Variants in TRIT1 observed in about 807,000 individuals in gnomAD.
TRIT1 encodes the protein tRNA dimethylallyltransferase.
Under a neutral mutation model 51.2 loss-of-function variants are expected in TRIT1, and 43 were observed. That is an observed-to-expected ratio of 0.84 (90% CI 0.66 to 1.08). TRIT1 has a LOEUF of 1.08. Among genes scored for constraint, TRIT1 ranks in the 50% least tolerant of loss-of-function variants. TRIT1 has a pLI of 0.00. For missense variants in TRIT1, 528 were observed against 578.4 expected (o/e 0.91, Z 0.89); for synonymous variants, 184 against 203.9 (o/e 0.90, Z 0.83).
intron 5 of TRIT1, among the ~76,000 whole-genome samples, chr1:39,848,346 C>T (rs1642357470): frequency 6.6e-6 from 1 of 152,036 alleles, no homozygotes; most frequent in Non-Finnish European, 1.5e-5. Flanking sequence ...CATACAATTA[C>T]AGCAACTGTG....
intron 9 of TRIT1, 125 bp downstream of exon 9, chr1:39,844,403 AAGC>A (rs1183279473): frequency 5.7e-6 from 5 of 883,184 alleles, no homozygotes; most frequent in Non-Finnish European, 9.0e-6. Flanking sequence ...AGGTATTAAA[AAGC>A]AGCCAGCCCT....
intron 1 of TRIT1, among the ~76,000 whole-genome samples, chr1:39,880,369 G>A (rs1237519975): frequency 6.6e-6 from 1 of 151,642 alleles, no homozygotes; most frequent in Non-Finnish European, 1.5e-5. Flanking sequence ...TTTGCCTGTG[G>A]AGTTACTTGA....
At chr1:39,882,209 T>G (rs1228494627) in intron 1 of TRIT1, among the ~76,000 whole-genome samples, 1 of 152,212 alleles carries the variant, frequency 6.6e-6, no homozygotes, top group Admixed American at 6.5e-5. Context: ...TGGCACAAAG[T>G]AGACTGCAAA....
chr1:39,845,021 C>T (rs966437738), intron 8 of TRIT1, among the ~76,000 whole-genome samples: 4 of 152,176 alleles, frequency 2.6e-5, no homozygotes, highest in Non-Finnish European at 5.9e-5. Context: ...ACAATGATGG[C>T]GATCTGTGGC....
intron 1 of TRIT1, among the ~76,000 whole-genome samples, chr1:39,878,170 A>G (rs1644131885): frequency 6.6e-6 from 1 of 151,246 alleles, no homozygotes; most frequent in Non-Finnish European, 1.5e-5. Context: ...TGTGTCATAG[A>G]AAAAAAAAGA....
At chr1:39,846,789 C>G (rs983628095) in intron 8 of TRIT1, among the ~76,000 whole-genome samples, 1 of 152,100 alleles carries the variant, frequency 6.6e-6, no homozygotes, top group African/African-American at 2.4e-5. Context: ...TCTGAAGCAC[C>G]ATGTGGAGAC....
chr1:39,880,268 T>TTAAAA (rs1553148796), intron 1 of TRIT1, among the ~76,000 whole-genome samples: 1 of 94,888 alleles, frequency 1.1e-5, no homozygotes, highest in Non-Finnish European at 2.1e-5. Context: ...AGACCTCAAA[T>TTAAAA]AAAAAAAAAA....
intron 1 of TRIT1, among the ~76,000 whole-genome samples, chr1:39,870,512 C>CAAAAAAAA (rs1643834728): frequency 3.9e-5 from 1 of 25,934 alleles, no homozygotes; most frequent in Non-Finnish European, 6.9e-5. Flanking sequence ...TCAATAAATA[C>CAAAAAAAA]TAAAAAAAAA....
At chr1:39,865,813 C>T (rs1316607330) in intron 1 of TRIT1, among the ~76,000 whole-genome samples, 4 of 150,448 alleles carry the variant, frequency 2.7e-5, no homozygotes, top group African/African-American at 7.3e-5. Flanking sequence ...TGCACCACTA[C>T]ACTCCAGCCT....
rs2124587538 is a variant in TRIT1, at chr1:39,847,584, A to AT, written c.891dup (p.Cys298MetfsTer6). 1.2e-6 allele frequency: 2 copies of AT among 1,614,212 alleles called. No individual in the cohort carries two copies. Among genetic ancestry groups the AT allele is most frequent in the East Asian group, 4.5e-5 (2 of 44,888 alleles). ...AGCTGGTTACTAGTCTCCAGTGTGC[A>AT]TTTTCCCTCAGTGATCAGGTACTCG... On this transcript the variant is annotated frameshift_variant, in exon 7 of 11. Transcript: ENST00000316891. LOFTEE classifies it high-confidence loss of function.
chr1:39,853,457 C>A (rs373597996), intron 3 of TRIT1, among the ~76,000 whole-genome samples: 1 of 151,470 alleles, frequency 6.6e-6, no homozygotes, highest in South Asian at 2.1e-4. Context: ...AGTACAGTGG[C>A]GCAATCTCAG....
intron 1 of TRIT1, among the ~76,000 whole-genome samples, chr1:39,862,616 A>T (rs1030950047): frequency 6.6e-6 from 1 of 152,258 alleles, no homozygotes; most frequent in East Asian, 1.9e-4. Flanking sequence ...CATTTGTACC[A>T]GGCATAAATA....
At chr1:39,846,528 G>A (rs569214834) in intron 8 of TRIT1, among the ~76,000 whole-genome samples, 25 of 152,306 alleles carry the variant, frequency 1.6e-4, no homozygotes, top group African/African-American at 6.0e-4. Flanking sequence ...AAGGAGTGTG[G>A]ACTCTGTGTC....
chr1:39,857,392 GTGA>G lies in TRIT1; in HGVS notation c.197_199del (p.Ile66del), dbSNP rs1642963490. Reference sequence around the variant, plus strand: ...CTGCTCTTGGGCAGAAACCTTGTTGGTGATGATGTCTAGGCCTTCATAGACCTA... The same window carrying G: ...CTGCTCTTGGGCAGAAACCTTGTTGGTGATGTCTAGGCCTTCATAGACCTA... On this transcript the variant is annotated inframe_deletion, in exon 2 of 11. Transcript: ENST00000316891. 1 of 1,614,036 alleles carries G rather than the reference GTGA, an allele frequency of 6.2e-7. No homozygotes were observed. The highest frequency in any genetic ancestry group is 1.7e-5 in the Admixed American group (1 of 59,998).
chr1:39,856,968 A>G (rs953027938), intron 2 of TRIT1, among the ~76,000 whole-genome samples: 8 of 152,210 alleles, frequency 5.3e-5, no homozygotes, highest in African/African-American at 1.7e-4. Context: ...CTCAAATTTT[A>G]ATGTGTATAT....
At chr1:39,868,740 C>T (rs1450706978) in intron 1 of TRIT1, among the ~76,000 whole-genome samples, 1 of 151,164 alleles carries the variant, frequency 6.6e-6, no homozygotes, top group Non-Finnish European at 1.5e-5. Flanking sequence ...CAAGGATATA[C>T]AGATGGCAAA....
At chr1:39,880,974 T>C (rs1644242730) in intron 1 of TRIT1, among the ~76,000 whole-genome samples, 1 of 151,778 alleles carries the variant, frequency 6.6e-6, no homozygotes, top group Admixed American at 6.6e-5. Flanking sequence ...TCCTAGCACT[T>C]TGGGAGGCTG....
chr1:39,874,735 G>A (rs752611464), intron 1 of TRIT1, among the ~76,000 whole-genome samples: 9 of 151,204 alleles, frequency 6.0e-5, no homozygotes, highest in East Asian at 2.0e-4. Flanking sequence ...GCGTGATCTC[G>A]GCTCACTGCA....
At chr1:39,857,707 T>C (rs980776140) in intron 1 of TRIT1, among the ~76,000 whole-genome samples, 3 of 152,352 alleles carry the variant, frequency 2.0e-5, no homozygotes, top group Middle Eastern at 6.8e-3. Flanking sequence ...GAATTCTGCA[T>C]GGCCAGAACT....
Sources: allele counts gnomAD v4.1 joint callset (sites outside exome capture counted in the v4.1 genomes callset), GRCh38; gene constraint gnomAD v4.1.1; transcripts MANE v1.5; gene names NCBI Gene and HGNC (gene_info 2026-07-23, HGNC 2026-07-21).